The following PNKD variants were observed in gnomAD, a reference collection of about 807,000 sequenced individuals.
PNKD encodes the protein probable thioesterase PNKD.
PNKD carries 36 observed loss-of-function variants against 45.3 expected under a neutral mutation model. The ratio of observed to expected loss-of-function variants is 0.80; its 90% CI spans 0.61 to 1.05. The LOEUF (loss-of-function observed/expected upper bound fraction) is 1.05, where lower values mean the gene tolerates loss of function less well. PNKD is among the 50% of genes least tolerant of loss of function. The pLI is 0.00. For missense variants in PNKD, 511 were observed against 506.6 expected (o/e 1.01, Z -0.08); for synonymous variants, 197 against 210.1 (o/e 0.94, Z 0.54).
chr2:218,280,369 C>A, intron 2 of PNKD: 1 of 447,440 alleles, frequency 2.2e-6, no homozygotes. Context: ...CCTGTGTGCC[C>A]AGCCCACGCC....
intron 2 of PNKD, chr2:218,275,217 G>A (rs906992379): frequency 1.9e-5 from 7 of 372,950 alleles, no homozygotes; most frequent in Non-Finnish European, 3.3e-5. Context: ...TACAGTAGGT[G>A]GCGGGGAGAA....
chr2:218,282,029 G>A, intron 2 of PNKD: 1 of 1,607,918 alleles, frequency 6.2e-7, no homozygotes, highest in South Asian at 1.1e-5. Context: ...GCCAGGGTAG[G>A]CAGGATACCC....
At chr2:218,299,486 C>G (rs1054587242) in intron 2 of PNKD, among the ~76,000 whole-genome samples, 2 of 152,006 alleles carry the variant, frequency 1.3e-5, no homozygotes. Flanking sequence ...TCGCTCTCAC[C>G]CAGGCTGGAG....
In PNKD at chr2:218,345,428, C is replaced by T. The variant is rs1694803841; in HGVS notation, c.*447C>T. ...AAAGAAGCTCAGCCCCTCACAGTGG[C>T]CTCAAGTGTGATGCCTTACAAAAGC... On this transcript the variant is annotated 3_prime_UTR_variant, in exon 10 of 10. Coordinates refer to ENST00000273077, the MANE Select transcript of PNKD (RefSeq NM_015488.5). 5.9e-6 allele frequency: 1 copy of T among 170,714 alleles called. No homozygotes were observed. The highest frequency in any genetic ancestry group is 5.6e-5 in the Admixed American group (1 of 17,850). 10.6% of individuals were successfully genotyped at this position (170,714 alleles called of 1,614,324 possible). A position where few individuals can be genotyped will look rare whatever the true frequency, so the allele number is the denominator to read the frequency against.
intron 2 of PNKD, chr2:218,278,409 G>T (rs137970592): frequency 5.1e-6 from 6 of 1,182,660 alleles, no homozygotes; most frequent in Middle Eastern, 1.9e-4. Flanking sequence ...CTCATTTCTT[G>T]TAAGTTTCCA....
intron 2 of PNKD, among the ~76,000 whole-genome samples, chr2:218,331,333 G>T (rs776611536): frequency 6.6e-6 from 1 of 151,842 alleles, no homozygotes; most frequent in African/African-American, 2.4e-5. Context: ...CTTGAACCCG[G>T]GAGGCGGTGG....
intron 2 of PNKD, among the ~76,000 whole-genome samples, chr2:218,324,193 G>A (rs1398527236): frequency 6.6e-6 from 1 of 152,228 alleles, no homozygotes; most frequent in Non-Finnish European, 1.5e-5. Context: ...GACACTGAGA[G>A]GCAGGGAAGA....
rs1694825980 is a variant in PNKD at position 218,346,302 on chromosome 2, C to G, written c.*1321C>G. On this transcript the variant is annotated 3_prime_UTR_variant, in exon 10 of 10. Coordinates refer to ENST00000273077, the MANE Select transcript of PNKD (RefSeq NM_015488.5). ...GCTCTGCTCACCTCTGGTGACCCTC[C>G]AAGATGCCCCTGCCCTCAGTTTCCC... The G allele has an allele frequency of 6.5e-6, 1 of 152,914 alleles. No individual in the cohort carries two copies. Among genetic ancestry groups the G allele is most frequent in the Non-Finnish European group, 1.5e-5 (1 of 68,238 alleles). 9.5% of individuals were successfully genotyped at this position (152,914 alleles called of 1,614,324 possible). A position where few individuals can be genotyped will look rare whatever the true frequency, so the allele number is the denominator to read the frequency against.
At chr2:218,272,970 C>G in intron 2 of PNKD, 1 of 1,414,980 alleles carries the variant, frequency 7.1e-7, no homozygotes, top group South Asian at 1.4e-5. Flanking sequence ...TTGTGAGTCC[C>G]TTGGGATGGG....
At position 218,345,110 on chromosome 2, in the gene PNKD, C is replaced by A. The variant is rs1694797018; in HGVS notation, c.*129C>A. On this transcript the variant is annotated 3_prime_UTR_variant, in exon 10 of 10. Coordinates refer to ENST00000273077, the MANE Select transcript of PNKD (RefSeq NM_015488.5). ...CCCAAGCGGGCATCATCCCCCCACA[C>A]TGCTCAGGGGAGGGGAGGGATCAGG... is the stretch of plus-strand genomic sequence containing the variant. The A allele has an allele frequency of 8.4e-6, 6 of 714,486 alleles. No homozygotes were observed. Among genetic ancestry groups the A allele is most frequent in the African/African-American group, 1.8e-5 (1 of 55,932 alleles). The allele number at this position is 714,486 out of a possible 1,614,324, so 44.3% of individuals were successfully genotyped here. A position where few individuals can be genotyped will look rare whatever the true frequency, so the allele number is the denominator to read the frequency against.
intron 2 of PNKD, among the ~76,000 whole-genome samples, chr2:218,328,954 TC>T (rs1694235143): frequency 6.6e-6 from 1 of 152,134 alleles, no homozygotes; most frequent in African/African-American, 2.4e-5. Flanking sequence ...ACACCTGTAA[TC>T]CCAGCACTTT....
At chr2:218,271,683 G>T in intron 2 of PNKD, 134 bp downstream of exon 2, 1 of 743,714 alleles carries the variant, frequency 1.3e-6, no homozygotes, top group South Asian at 1.8e-5. Flanking sequence ...GGTTCGATTG[G>T]AATCTCAGAG....
chr2:218,271,575 A>G, intron 2 of PNKD, 26 bp downstream of exon 2: 2 of 1,602,342 alleles, frequency 1.2e-6, no homozygotes, highest in Non-Finnish European at 1.7e-6. Flanking sequence ...CCCTTTGCCC[A>G]CCAACGGGGC....
chr2:218,318,955 T>TTC (rs1693898790), intron 2 of PNKD, among the ~76,000 whole-genome samples: 1 of 127,390 alleles, frequency 7.8e-6, no homozygotes, highest in Non-Finnish European at 1.6e-5. Flanking sequence ...TTTTTCTTTT[T>TTC]TTTTTTTTTT....
At chr2:218,321,620 TG>T (rs1166648224) in intron 2 of PNKD, among the ~76,000 whole-genome samples, 12 of 144,076 alleles carry the variant, frequency 8.3e-5, no homozygotes, top group Non-Finnish European at 3.0e-5. Context: ...AAGGTGAGCT[TG>T]ACTTTTTTTT....
intron 2 of PNKD, among the ~76,000 whole-genome samples, chr2:218,324,736 A>G (rs559953320): frequency 6.6e-6 from 1 of 151,882 alleles, no homozygotes; most frequent in Non-Finnish European, 1.5e-5. Flanking sequence ...GGAATTCGAG[A>G]CCAGCCTGGC....
intron 2 of PNKD, chr2:218,277,085 C>T (rs539000787): frequency 6.2e-6 from 10 of 1,614,104 alleles, no homozygotes; most frequent in Non-Finnish European, 6.8e-6. Context: ...GGCCTGTGCA[C>T]GAGGTGAAGT....
At chr2:218,333,671 G>A (rs771137758) in intron 2 of PNKD, among the ~76,000 whole-genome samples, 3 of 152,200 alleles carry the variant, frequency 2.0e-5, no homozygotes, top group Non-Finnish European at 4.4e-5. Flanking sequence ...GCCAGGCTAT[G>A]ATGGGAGCCC....
intron 2 of PNKD, among the ~76,000 whole-genome samples, chr2:218,305,027 C>T (rs1283856898): frequency 1.3e-5 from 2 of 151,860 alleles, no homozygotes; most frequent in Non-Finnish European, 1.5e-5. Context: ...GAGCTGAGAT[C>T]GCGCCACTGC....
Sources: gnomAD v4.1 joint callset for allele counts (sites outside exome capture counted in the v4.1 genomes callset) on GRCh38, gnomAD v4.1.1 for gene constraint, MANE v1.5 for transcripts, NCBI Gene and HGNC (gene_info 2026-07-23, HGNC 2026-07-21) for gene names.